STPG2: variants seen among roughly 807,000 people sequenced by gnomAD.
STPG2 encodes the protein sperm tail PG-rich repeat containing 2.
Under a neutral mutation model 54.2 loss-of-function variants are expected in STPG2, and 56 were observed. That is an observed-to-expected ratio of 1.03 (90% CI 0.83 to 1.29). STPG2 has a LOEUF of 1.29. Among genes scored for constraint, STPG2 ranks in the 50% most tolerant of loss-of-function variants. The pLI, the probability that STPG2 is intolerant of heterozygous loss-of-function variation, is 0.00. For missense variants in STPG2, 596 were observed against 544.9 expected, an observed-to-expected ratio of 1.09 and a Z score of -0.93; for synonymous variants, 200 against 181.8, an observed-to-expected ratio of 1.10 and a Z score of -0.81.
chr4:97,595,611 AC>A (rs1733269401), intron 10 of STPG2, among the ~76,000 whole-genome samples: 1 of 151,240 alleles, frequency 6.6e-6, no homozygotes, highest in Non-Finnish European at 1.5e-5. Context: ...AAATAAAAAA[AC>A]AAAAAAAGAA....
intron 8 of STPG2, among the ~76,000 whole-genome samples, chr4:97,846,623 C>CAAAAA (rs540016952): frequency 1.0e-4 from 7 of 68,372 alleles, no homozygotes; most frequent in Non-Finnish European, 1.7e-4. Flanking sequence ...GACTCCACCT[C>CAAAAA]AAAAAAAAAA....
chr4:97,660,320 A>G (rs552914256), intron 10 of STPG2, among the ~76,000 whole-genome samples: 2 of 152,188 alleles, frequency 1.3e-5, no homozygotes, highest in South Asian at 4.1e-4. Context: ...TCTTTATATT[A>G]TATTGACGGA....
chr4:97,591,909 G>A (rs550639554), intron 10 of STPG2, among the ~76,000 whole-genome samples: 4 of 152,192 alleles, frequency 2.6e-5, no homozygotes, highest in African/African-American at 4.8e-5. Flanking sequence ...TTCTTTTTAT[G>A]AATTCCCTGT....
At chr4:98,007,795 T>TA (rs1334873150) in intron 5 of STPG2, among the ~76,000 whole-genome samples, 1 of 151,364 alleles carries the variant, frequency 6.6e-6, no homozygotes, top group Non-Finnish European at 1.5e-5. Context: ...CTTCTGGAAA[T>TA]AAAAAATGCA....
At chr4:97,579,650 T>C (rs1404763481) in intron 10 of STPG2, among the ~76,000 whole-genome samples, 1 of 152,076 alleles carries the variant, frequency 6.6e-6, no homozygotes, top group Non-Finnish European at 1.5e-5. Context: ...AAACTTTTAA[T>C]TCATCTATTT....
chr4:97,991,753 C>A (rs1379921109), intron 5 of STPG2, among the ~76,000 whole-genome samples: 1 of 152,190 alleles, frequency 6.6e-6, no homozygotes, highest in Non-Finnish European at 1.5e-5. Flanking sequence ...TTCACCACAT[C>A]CATGCCAACA....
intron 4 of STPG2, among the ~76,000 whole-genome samples, chr4:97,469,094 A>G (rs1729860849): frequency 6.6e-6 from 1 of 152,132 alleles, no homozygotes; most frequent in Admixed American, 6.6e-5. Context: ...AAAGGTTGGT[A>G]ATACTCTCAC....
rs879845736 is a variant in STPG2 at position 97,739,080 on chromosome 4, C to A, written c.1205-26266G>T. ...AAACTCACTCAAAACCGCTCAACTACATGGAAACTGAACAACCTGCTCCTG... is the reference window on the plus strand; with the variant it reads ...AAACTCACTCAAAACCGCTCAACTAAATGGAAACTGAACAACCTGCTCCTG... On this transcript the variant is annotated intron_variant, in intron 9 of 10. Transcript: ENST00000295268. 1.9e-4 allele frequency among the ~76,000 whole-genome samples: 29 copies of A among 152,184 alleles called. 1 individual carries two copies. The South Asian group carries it at 4.6e-3, about 24-fold the overall frequency.
chr4:97,837,802 A>C (rs1728676633), intron 9 of STPG2, among the ~76,000 whole-genome samples: 1 of 151,702 alleles, frequency 6.6e-6, no homozygotes, highest in South Asian at 2.1e-4. Flanking sequence ...TGAAATAAAT[A>C]CATGGCTATA....
At chr4:97,602,124 T>G (rs1484063596) in intron 10 of STPG2, among the ~76,000 whole-genome samples, 1 of 151,888 alleles carries the variant, frequency 6.6e-6, no homozygotes, top group East Asian at 1.9e-4. Flanking sequence ...CTCATAAATT[T>G]TATTATTTGC....
chr4:97,514,261 G>A (rs1462586919), intron 4 of STPG2, among the ~76,000 whole-genome samples: 1 of 152,094 alleles, frequency 6.6e-6, no homozygotes, highest in Non-Finnish European at 1.5e-5. Flanking sequence ...AAGAGAGAGA[G>A]TAAGCAGCTG....
rs368853930 is a variant in STPG2, at chr4:97,844,703, A to G, written c.1045-3771T>C. On this transcript the variant is annotated intron_variant, in intron 8 of 10. Coordinates refer to ENST00000295268, the MANE Select transcript of STPG2 (RefSeq NM_174952.3). The stretch of plus-strand genomic sequence containing the variant: ...CTGAACTTCATGGATTCATGGATAT[A>G]GTGGTTTTTTTTATTACATTTGGAG... Among the ~76,000 whole-genome samples, 26 of 152,164 alleles carry G rather than the reference A, an allele frequency of 1.7e-4. No individual in the cohort carries two copies. In the South Asian group the frequency reaches 5.0e-3, roughly 29 times the overall value.
At chr4:97,755,031 C>G (rs1187966885) in intron 9 of STPG2, among the ~76,000 whole-genome samples, 2 of 152,032 alleles carry the variant, frequency 1.3e-5, no homozygotes, top group Non-Finnish European at 2.9e-5. Context: ...AGCAAAAAAA[C>G]AAAAACAGAA....
At chr4:97,863,992 T>A (rs1184876807) in intron 8 of STPG2, among the ~76,000 whole-genome samples, 1 of 152,206 alleles carries the variant, frequency 6.6e-6, no homozygotes, top group African/African-American at 2.4e-5. Flanking sequence ...GCCCATATTA[T>A]ACTCCATGGA....
At chr4:97,599,823 CAA>C (rs34252589) in intron 10 of STPG2, among the ~76,000 whole-genome samples, 75 of 112,748 alleles carry the variant, frequency 6.7e-4, no homozygotes, top group Non-Finnish European at 8.1e-4. Flanking sequence ...GATTCTGTCT[CAA>C]AAAAAAAAAA....
chr4:97,652,496 A>G (rs1405845584), intron 10 of STPG2, among the ~76,000 whole-genome samples: 1 of 151,896 alleles, frequency 6.6e-6, no homozygotes, highest in Non-Finnish European at 1.5e-5. Flanking sequence ...ATACCCATAG[A>G]TTAATTAGAT....
intron 10 of STPG2, among the ~76,000 whole-genome samples, chr4:97,619,778 C>T (rs144568869): frequency 6.6e-6 from 1 of 151,416 alleles, no homozygotes; most frequent in East Asian, 1.9e-4. Context: ...GTGCCTTGTG[C>T]TTTTCACATC....
chr4:97,609,227 T>C (rs927763914), intron 10 of STPG2, among the ~76,000 whole-genome samples: 7 of 152,032 alleles, frequency 4.6e-5, no homozygotes, highest in Non-Finnish European at 5.9e-5. Flanking sequence ...AATCCACACA[T>C]TGTGCTTTCT....
intron 10 of STPG2, among the ~76,000 whole-genome samples, chr4:97,697,289 A>T (rs1258644953): frequency 6.6e-6 from 1 of 152,218 alleles, no homozygotes; most frequent in Non-Finnish European, 1.5e-5. Context: ...AAGAATTAAA[A>T]AGCATCTATA....
Sources: gnomAD v4.1 joint callset for allele counts (sites outside exome capture counted in the v4.1 genomes callset) on GRCh38, gnomAD v4.1.1 for gene constraint, MANE v1.5 for transcripts, NCBI Gene and HGNC (gene_info 2026-07-23, HGNC 2026-07-21) for gene names.